DLG2: variants seen among roughly 807,000 people sequenced by gnomAD.
DLG2 encodes discs large MAGUK scaffold protein 2, also known as disks large homolog 2.
DLG2 carries 45 observed loss-of-function variants against 132.5 expected under a neutral mutation model. The ratio of observed to expected loss-of-function variants is 0.34; its 90% CI spans 0.27 to 0.44. The LOEUF is 0.44. Ranked by LOEUF, DLG2 falls within the 20% of genes least tolerant of loss-of-function variation. The probability of loss-of-function intolerance (pLI) is 1.00; values close to 1 mark genes in which losing one functional copy is unlikely to be tolerated. For synonymous variants in DLG2, 424 were observed against 419.6 expected (o/e 1.01, Z -0.13); for missense variants, 1,045 against 1,196.9 (o/e 0.87, Z 1.87).
intron 6 of DLG2, among the ~76,000 whole-genome samples, chr11:84,558,916 T>C (rs1054112649): frequency 1.3e-5 from 2 of 152,182 alleles, no homozygotes; most frequent in African/African-American, 4.8e-5. Flanking sequence ...TTAGCTATGA[T>C]TCTCCTAAGC....
chr11:83,999,530 A>C (rs1031720794), intron 11 of DLG2, among the ~76,000 whole-genome samples: 1 of 152,112 alleles, frequency 6.6e-6, no homozygotes, highest in African/African-American at 2.4e-5. Flanking sequence ...ACTGACACTG[A>C]ATAAGTCAAC....
At chr11:83,723,083 T>TA (rs2089104342) in intron 18 of DLG2, among the ~76,000 whole-genome samples, 1 of 151,884 alleles carries the variant, frequency 6.6e-6, no homozygotes, top group Admixed American at 6.6e-5. Flanking sequence ...ACTTCTCATT[T>TA]AAAAAACAAC....
At chr11:85,414,667 A>T (rs1056345614) in intron 3 of DLG2, among the ~76,000 whole-genome samples, 5 of 151,904 alleles carry the variant, frequency 3.3e-5, no homozygotes, top group Non-Finnish European at 2.9e-5. Context: ...TTCTCTCTTG[A>T]TGATCACTCT....
At chr11:85,205,446 G>C (rs1343013452) in intron 4 of DLG2, among the ~76,000 whole-genome samples, 2 of 151,868 alleles carry the variant, frequency 1.3e-5, no homozygotes, top group Admixed American at 1.3e-4. Flanking sequence ...CAGTTCAATA[G>C]AAGAAAAAAG....
At chr11:84,425,939 TC>T (rs1224535373) in intron 7 of DLG2, among the ~76,000 whole-genome samples, 1 of 152,154 alleles carries the variant, frequency 6.6e-6, no homozygotes, top group Non-Finnish European at 1.5e-5. Flanking sequence ...CCAAATGCCA[TC>T]CTGTTGGGTG....
intron 8 of DLG2, among the ~76,000 whole-genome samples, chr11:84,217,537 A>G (rs2096852937): frequency 6.6e-6 from 1 of 152,184 alleles, no homozygotes; most frequent in Admixed American, 6.5e-5. Context: ...CCAGTCTCAC[A>G]TATGTTTGTA....
intron 3 of DLG2, among the ~76,000 whole-genome samples, chr11:85,438,046 G>A (rs1408955856): frequency 6.6e-6 from 1 of 152,144 alleles, no homozygotes; most frequent in Non-Finnish European, 1.5e-5. Context: ...TTCTGATGAG[G>A]GCTTCAGAGA....
intron 9 of DLG2, among the ~76,000 whole-genome samples, chr11:84,101,030 C>T (rs1420518212): frequency 6.6e-6 from 1 of 152,120 alleles, no homozygotes; most frequent in Non-Finnish European, 1.5e-5. Flanking sequence ...GTTCACTGAA[C>T]AGAGTTATTA....
intron 6 of DLG2, among the ~76,000 whole-genome samples, chr11:84,820,478 G>C (rs895431702): frequency 4.0e-5 from 6 of 151,744 alleles, no homozygotes; most frequent in Non-Finnish European, 8.8e-5. Flanking sequence ...TTGCCCAAAG[G>C]ATACAGGAAA....
intron 3 of DLG2, among the ~76,000 whole-genome samples, chr11:85,441,885 A>G (rs1403173518): frequency 1.3e-5 from 2 of 152,220 alleles, no homozygotes; most frequent in Non-Finnish European, 2.9e-5. Flanking sequence ...AAATAGTAAT[A>G]TGATAGAGCA....
Position 84,099,066 on chromosome 11 carries a change from G to C in DLG2, c.625-19C>G, listed in dbSNP as rs1298527747. 1.2e-6 allele frequency: 2 copies of C among 1,609,286 alleles called. No homozygotes were observed. The highest frequency in any genetic ancestry group is 1.7e-6 in the Non-Finnish European group (2 of 1,176,320). On this transcript the variant is annotated intron_variant, in intron 9 of 27. Transcript: ENST00000376104. Reference sequence around the variant, plus strand: ...AATTCCCCTATAGAAACAAAAAGCAGATATTAAATGATGTGTCTGTCACCT... The same window carrying C: ...AATTCCCCTATAGAAACAAAAAGCACATATTAAATGATGTGTCTGTCACCT...
At chr11:83,526,214 GT>G (rs2095605852) in intron 21 of DLG2, among the ~76,000 whole-genome samples, 1 of 152,150 alleles carries the variant, frequency 6.6e-6, no homozygotes, top group African/African-American at 2.4e-5. Context: ...CGGGACAAAT[GT>G]CCAAGGATGA....
intron 6 of DLG2, among the ~76,000 whole-genome samples, chr11:85,063,766 A>T (rs959011631): frequency 2.1e-4 from 32 of 151,888 alleles, no homozygotes; most frequent in African/African-American, 7.5e-4. Flanking sequence ...ATCTATAAAA[A>T]GTCATTTGAT....
At chr11:83,740,402 C>T (rs1347429649) in intron 18 of DLG2, among the ~76,000 whole-genome samples, 1 of 152,082 alleles carries the variant, frequency 6.6e-6, no homozygotes, top group African/African-American at 2.4e-5. Context: ...AAACCAGACA[C>T]AAAAGATTAT....
chr11:85,339,030 C>T (rs2152855038), intron 3 of DLG2, among the ~76,000 whole-genome samples: 1 of 152,298 alleles, frequency 6.6e-6, no homozygotes, highest in South Asian at 2.1e-4. Flanking sequence ...TATATCCTAC[C>T]TGTATTTCCT....
intron 9 of DLG2, among the ~76,000 whole-genome samples, chr11:84,133,772 T>C (rs1359813392): frequency 3.9e-5 from 6 of 152,006 alleles, no homozygotes; most frequent in South Asian, 2.1e-4. Context: ...TACACCCCTA[T>C]GCCCAGGTAA....
At chr11:84,919,758 T>C (rs1158458491) in intron 6 of DLG2, among the ~76,000 whole-genome samples, 1 of 152,154 alleles carries the variant, frequency 6.6e-6, no homozygotes, top group Non-Finnish European at 1.5e-5. Flanking sequence ...CCTTCAAAAA[T>C]TGATCCATTT....
chr11:84,455,893 G>A (rs1464234164), intron 7 of DLG2, among the ~76,000 whole-genome samples: 2 of 151,216 alleles, frequency 1.3e-5, no homozygotes, highest in African/African-American at 4.8e-5. Flanking sequence ...TTTGTTTCCT[G>A]TCGGCACAGC....
At chr11:84,369,220 T>C (rs2098696381) in intron 7 of DLG2, among the ~76,000 whole-genome samples, 1 of 151,730 alleles carries the variant, frequency 6.6e-6, no homozygotes. Flanking sequence ...GAAAAAAAAA[T>C]AGAGAGCTCC....
Sources: gnomAD v4.1 joint callset for allele counts (sites outside exome capture counted in the v4.1 genomes callset) on GRCh38, gnomAD v4.1.1 for gene constraint, MANE v1.5 for transcripts, NCBI Gene and HGNC (gene_info 2026-07-23, HGNC 2026-07-21) for gene names.